The following DPP6 variants were observed in gnomAD, a reference collection of about 807,000 sequenced individuals.
DPP6 encodes the protein dipeptidyl peptidase like 6.
DPP6 carries 69 observed loss-of-function variants against 122.6 expected under a neutral mutation model. The ratio of observed to expected loss-of-function variants is 0.56; its 90% CI spans 0.46 to 0.69. DPP6 has a LOEUF of 0.69. DPP6 is among the 30% of genes least tolerant of loss of function. DPP6 has a pLI of 0.00. For synonymous variants in DPP6, 418 were observed against 433.1 expected, an observed-to-expected ratio of 0.97 and a Z score of 0.43; for missense variants, 928 against 1,116.9, an observed-to-expected ratio of 0.83 and a Z score of 2.41.
intron 5 of DPP6, among the ~76,000 whole-genome samples, chr7:154,567,174 C>CTTT (rs1830812483): frequency 6.6e-6 from 1 of 152,140 alleles, no homozygotes; most frequent in African/African-American, 2.4e-5. Flanking sequence ...AAGAACTTGT[C>CTTT]TCTTCATAGA....
rs1396677098 is a variant in DPP6, at chr7:153,983,309, G to A, written c.51+95575G>A. Among the ~76,000 whole-genome samples, 8 of 152,330 alleles carry A rather than the reference G, an allele frequency of 5.3e-5. No individual in the cohort carries two copies. In the East Asian group the frequency reaches 7.7e-4, roughly 15 times the overall value. ...GCTTGGCCGTGCTGCCATGGGCTCC[G>A]CCCAGTCTGAGCTTCCCTGTGGCTT... On this transcript the variant is annotated intron_variant, in intron 1 of 25. Transcript: ENST00000404039.
At position 154,833,238 on chromosome 7, in the gene DPP6, A is replaced by G. The variant is rs1373980480; in HGVS notation, c.1667-20542A>G. Among the ~76,000 whole-genome samples, 1 of 152,156 alleles carries G rather than the reference A, an allele frequency of 6.6e-6. No individual in the cohort carries two copies. The highest frequency in any genetic ancestry group is 1.5e-5 in the Non-Finnish European group (1 of 68,026). On this transcript the variant is annotated intron_variant, in intron 16 of 25. Coordinates refer to ENST00000377770, the MANE Select transcript of DPP6 (RefSeq NM_130797.4). This position sits in a 1 kb window ranked among gnomAD's most constrained non-coding sequence, Gnocchi z 4.3. ...CGGGGTCCCAGTGCCCTGCCAGCAT[A>G]TTGTCGTAGAGACAGGCACACACAG...
chr7:154,153,759 A>C (rs1163283873), intron 1 of DPP6, among the ~76,000 whole-genome samples: 2 of 152,258 alleles, frequency 1.3e-5, no homozygotes, highest in African/African-American at 4.8e-5. Context: ...ACTTGAAGCA[A>C]TAGTCAACAC....
chr7:154,058,416 C>CTAT (rs1801110879), intron 1 of DPP6: 1 of 130,014 alleles, frequency 7.7e-6, no homozygotes, highest in African/African-American at 3.0e-5. Context: ...GGCAACCCCG[C>CTAT]GAGGGTGGGG....
At chr7:154,553,303 T>C (rs1200411970) in intron 4 of DPP6, among the ~76,000 whole-genome samples, 7 of 152,318 alleles carry the variant, frequency 4.6e-5, no homozygotes, top group Middle Eastern at 6.8e-3. Flanking sequence ...CAATAGTCTA[T>C]GTTGTCTGGG....
chr7:154,578,260 GT>G (rs1350028477), intron 5 of DPP6, among the ~76,000 whole-genome samples: 4 of 151,996 alleles, frequency 2.6e-5, no homozygotes, highest in African/African-American at 9.7e-5. Flanking sequence ...CTCTCTTGGT[GT>G]TTTTCACAGT....
intron 5 of DPP6, among the ~76,000 whole-genome samples, chr7:154,581,148 T>C (rs1399404597): frequency 2.0e-5 from 3 of 152,068 alleles, no homozygotes; most frequent in Non-Finnish European, 2.9e-5. Flanking sequence ...GTCCGCTGAA[T>C]TGCAGAGCAG....
chr7:154,374,284 T>G (rs1315113911), intron 1 of DPP6, among the ~76,000 whole-genome samples: 1 of 152,186 alleles, frequency 6.6e-6, no homozygotes, highest in East Asian at 1.9e-4. Flanking sequence ...GTGGATCAAA[T>G]GAGCTAAGGT....
intron 1 of DPP6, among the ~76,000 whole-genome samples, chr7:154,369,240 A>T (rs1046172485): frequency 2.6e-5 from 4 of 152,148 alleles, no homozygotes; most frequent in Admixed American, 2.0e-4. Flanking sequence ...GATTAAAGAC[A>T]CGCACCACCA....
chr7:153,936,050 C>T (rs975258801), intron 1 of DPP6, among the ~76,000 whole-genome samples: 4 of 152,136 alleles, frequency 2.6e-5, no homozygotes, highest in South Asian at 4.1e-4. Context: ...TAGTCCAGCA[C>T]GGGGCTGGGT....
At chr7:154,616,242 C>T (rs1029215065) in intron 5 of DPP6, among the ~76,000 whole-genome samples, 1 of 152,150 alleles carries the variant, frequency 6.6e-6, no homozygotes, top group Non-Finnish European at 1.5e-5. Flanking sequence ...GTGGTTCTGT[C>T]TGGAGCTGAT....
intron 3 of DPP6, among the ~76,000 whole-genome samples, chr7:154,487,009 C>A (rs1563747614): frequency 6.6e-6 from 1 of 152,186 alleles, no homozygotes; most frequent in Non-Finnish European, 1.5e-5. Flanking sequence ...CCTTGGCAAA[C>A]GTTGCATCCC....
At chr7:154,528,871 C>A (rs942574818) in intron 3 of DPP6, among the ~76,000 whole-genome samples, 3 of 152,182 alleles carry the variant, frequency 2.0e-5, no homozygotes, top group African/African-American at 7.2e-5. Context: ...GTGCAGGGAG[C>A]AGTGTGAGGG....
chr7:153,809,163 A>G, the DPP6 span, among the ~76,000 whole-genome samples: 216 of 152,194 alleles, frequency 1.4e-3, 2 homozygotes, highest in Non-Finnish European at 2.5e-3. Context: ...TGAGCACCTT[A>G]ATATACACCT....
At chr7:153,767,661 A>G in the DPP6 span, among the ~76,000 whole-genome samples, 1 of 142,436 alleles carries the variant, frequency 7.0e-6, no homozygotes, top group Non-Finnish European at 1.6e-5. Flanking sequence ...TTATAGCCAT[A>G]AGCCACTGTG....
At chr7:154,696,100 C>A (rs73730239) in intron 7 of DPP6, among the ~76,000 whole-genome samples, 3,291 of 152,286 alleles carry the variant, frequency 0.022, 132 homozygotes, top group African/African-American at 0.076. Context: ...TGAACCACCT[C>A]CACAAAACTC....
At chr7:154,705,487 T>C (rs967398396) in intron 7 of DPP6, among the ~76,000 whole-genome samples, 7 of 152,232 alleles carry the variant, frequency 4.6e-5, no homozygotes, top group African/African-American at 1.7e-4. Flanking sequence ...CTGAGGTCTG[T>C]ATCATTCCAG....
the DPP6 span, among the ~76,000 whole-genome samples, chr7:153,790,650 G>A: frequency 1.3e-5 from 2 of 152,114 alleles, no homozygotes; most frequent in South Asian, 2.1e-4. Flanking sequence ...CCTCATAATC[G>A]TGATTTGATG....
intron 1 of DPP6, among the ~76,000 whole-genome samples, chr7:154,398,456 C>T (rs941590875): frequency 6.6e-6 from 1 of 152,174 alleles, no homozygotes; most frequent in Non-Finnish European, 1.5e-5. Flanking sequence ...TTCATTTGCA[C>T]ATCAAAGACT....
Sources: gnomAD v4.1 joint callset for allele counts (sites outside exome capture counted in the v4.1 genomes callset) on GRCh38, gnomAD v4.1.1 for gene constraint, Gnocchi (gnomAD v3.1) non-coding constraint, MANE v1.5 for transcripts, NCBI Gene and HGNC (gene_info 2026-07-23, HGNC 2026-07-21) for gene names.